The following KDM4C variants were observed in gnomAD, a reference collection of about 807,000 sequenced individuals.
KDM4C encodes the protein lysine demethylase 4C, also known as lysine-specific demethylase 4C.
Under a neutral mutation model 129.3 loss-of-function variants are expected in KDM4C, and 81 were observed. The observed-to-expected ratio is 0.63, with a 90% CI of 0.52 to 0.75. KDM4C has a LOEUF of 0.75. Ranked by LOEUF, KDM4C falls within the 30% of genes least tolerant of loss-of-function variation. The pLI is 0.00. For synonymous variants in KDM4C, 573 were observed against 456.1 expected (o/e 1.26, Z -3.26); for missense variants, 1,457 against 1,304.0 (o/e 1.12, Z -1.81).
chr9:6,835,884 A>G, intron 4 of KDM4C, among the ~76,000 whole-genome samples: 1 of 152,218 alleles, frequency 6.6e-6, no homozygotes, highest in East Asian at 1.9e-4. Flanking sequence ...TGCCCTCCTA[A>G]AAGCCACCCG....
intron 19 of KDM4C, among the ~76,000 whole-genome samples, chr9:7,129,903 A>G (rs1840432624): frequency 6.6e-6 from 1 of 152,222 alleles, no homozygotes; most frequent in African/African-American, 2.4e-5. Flanking sequence ...AACATGGTGA[A>G]TAATTGTCTC....
intron 1 of KDM4C, among the ~76,000 whole-genome samples, chr9:6,745,116 C>T (rs1417934246): frequency 6.6e-6 from 1 of 152,110 alleles, no homozygotes; most frequent in Non-Finnish European, 1.5e-5. Flanking sequence ...CTGGGTCAAA[C>T]ATCCCAAGGA....
chr9:6,829,873 A>G (rs992427964), intron 4 of KDM4C, among the ~76,000 whole-genome samples: 3 of 152,220 alleles, frequency 2.0e-5, no homozygotes, highest in African/African-American at 7.2e-5. Flanking sequence ...ACAAAAAGGA[A>G]TATAAAGATA....
At chr9:7,075,611 T>G (rs886995162) in intron 17 of KDM4C, among the ~76,000 whole-genome samples, 1 of 152,172 alleles carries the variant, frequency 6.6e-6, no homozygotes, top group Non-Finnish European at 1.5e-5. Context: ...TGAAGCAGCC[T>G]GAGGTCCTCA....
At chr9:6,835,027 C>G in intron 4 of KDM4C, 1 of 948,064 alleles carries the variant, frequency 1.1e-6, no homozygotes, top group Non-Finnish European at 1.7e-6. Flanking sequence ...CATGAAGATC[C>G]TTACCGAGCG....
chr9:7,049,174 A>C lies in KDM4C; in HGVS notation c.2398A>C (p.Arg800=). ...AGAAAGGACACAAATAGATGTAGGCAGAATACCTTTACAGAGGTTAAAATT... is the reference window on the plus strand; with the variant it reads ...AGAAAGGACACAAATAGATGTAGGCCGAATACCTTTACAGAGGTTAAAATT... ...VPERTQIDVG[R]IPLQRLKLKC... The change falls in exon 17 of 22, where the codon AGA becomes CGA. Residue 800 remains arginine, a synonymous_variant. Coordinates refer to ENST00000381309, the MANE Select transcript of KDM4C (RefSeq NM_015061.6). The C allele has an allele frequency of 6.2e-7, 1 of 1,608,300 alleles. No homozygotes were observed. Among genetic ancestry groups the C allele is most frequent in the Non-Finnish European group, 8.5e-7 (1 of 1,175,164 alleles).
chr9:7,059,223 C>T (rs956167071), intron 17 of KDM4C, among the ~76,000 whole-genome samples: 3 of 152,162 alleles, frequency 2.0e-5, no homozygotes, highest in East Asian at 1.9e-4. Context: ...CATCATGGCT[C>T]ATTGCAGCCT....
At chr9:6,877,352 C>G (rs905320741) in intron 5 of KDM4C, among the ~76,000 whole-genome samples, 2 of 152,190 alleles carry the variant, frequency 1.3e-5, no homozygotes, top group Non-Finnish European at 2.9e-5. Flanking sequence ...AGGCGCCCGC[C>G]ACCACACCCG....
intron 15 of KDM4C, among the ~76,000 whole-genome samples, chr9:7,046,343 A>G (rs893796133): frequency 6.6e-6 from 1 of 151,924 alleles, no homozygotes; most frequent in Non-Finnish European, 1.5e-5. Context: ...TGCCCACAGA[A>G]AGAGTGAGGC....
chr9:6,998,176 T>C (rs761051251), intron 12 of KDM4C, among the ~76,000 whole-genome samples: 1 of 152,226 alleles, frequency 6.6e-6, no homozygotes, highest in African/African-American at 2.4e-5. Flanking sequence ...ATCTCTGTAA[T>C]GTCTGCATGC....
intron 8 of KDM4C, among the ~76,000 whole-genome samples, chr9:6,918,166 C>T (rs914400649): frequency 6.6e-6 from 1 of 152,098 alleles, no homozygotes; most frequent in African/African-American, 2.4e-5. Context: ...TTAGCCTTTG[C>T]CGTACTCCCT....
intron 17 of KDM4C, among the ~76,000 whole-genome samples, chr9:7,093,554 G>C (rs1014373016): frequency 6.6e-6 from 1 of 152,014 alleles, no homozygotes; most frequent in Non-Finnish European, 1.5e-5. Context: ...TGGATGGTCC[G>C]CATTTTTCAT....
intron 1 of KDM4C, among the ~76,000 whole-genome samples, chr9:6,792,350 ATTTTTATTTAT>A (rs138796440): frequency 0.18 from 27,330 of 151,486 alleles, 2,579 homozygotes; most frequent in African/African-American, 0.21. Context: ...CAAAAAAAAA[ATTTTTATTTAT>A]TTTTTATTTA....
intron 12 of KDM4C, among the ~76,000 whole-genome samples, chr9:7,003,861 T>G (rs1344861236): frequency 6.6e-6 from 1 of 152,200 alleles, no homozygotes; most frequent in Non-Finnish European, 1.5e-5. Flanking sequence ...GTTCCCAAGT[T>G]TGAATCTTTG....
intron 18 of KDM4C, among the ~76,000 whole-genome samples, chr9:7,115,546 C>T (rs1438531029): frequency 6.6e-6 from 1 of 152,164 alleles, no homozygotes; most frequent in African/African-American, 2.4e-5. Flanking sequence ...TCAATTCCTT[C>T]ATGTAGAAAA....
intron 8 of KDM4C, among the ~76,000 whole-genome samples, chr9:6,913,876 CTGTTAA>C (rs992713104): frequency 1.4e-4 from 22 of 152,282 alleles, no homozygotes; most frequent in African/African-American, 5.3e-4. Flanking sequence ...ACACATATTA[CTGTTAA>C]TGTAGATGGA....
Position 6,916,519 on chromosome 9 carries a change from C to G in KDM4C, c.921+23287C>G, listed in dbSNP as rs1016290320. On this transcript the variant is annotated intron_variant, in intron 8 of 21. Coordinates refer to ENST00000381309, the MANE Select transcript of KDM4C (RefSeq NM_015061.6). ...AAGTGATCCTCCTGCATTGGCCTCC[C>G]AAAGTGCTGGGATTATAGGAGTGAG... Among the ~76,000 whole-genome samples the G allele has an allele frequency of 3.9e-5, 6 of 152,124 alleles. No individual in the cohort carries two copies. In the South Asian group the frequency reaches 1.2e-3, roughly 32 times the overall value.
chr9:6,753,755 T>C (rs1284997098), upstream of KDM4C, among the ~76,000 whole-genome samples: 1 of 151,960 alleles, frequency 6.6e-6, no homozygotes, highest in Non-Finnish European at 1.5e-5. Context: ...AATTCATTAA[T>C]AAGGGCAGAG....
rs548293419 is a variant in KDM4C at position 7,121,360 on chromosome 9, C to T, written c.2611-6706C>T. Among the ~76,000 whole-genome samples the T allele has an allele frequency of 1.4e-4, 21 of 152,252 alleles. No homozygotes were observed. The South Asian group carries it at 4.4e-3, about 32-fold the overall frequency. ...AGGGTAACTTGGGCTTGTTCACACC[C>T]CAGAGTCTGAGGTTCTTAGAGAGAA... On this transcript the variant is annotated intron_variant, in intron 18 of 21. Coordinates refer to ENST00000381309, the MANE Select transcript of KDM4C (RefSeq NM_015061.6).
Sources: gnomAD v4.1 joint callset for allele counts (sites outside exome capture counted in the v4.1 genomes callset) on GRCh38, gnomAD v4.1.1 for gene constraint, MANE v1.5 for transcripts, NCBI Gene and HGNC (gene_info 2026-07-23, HGNC 2026-07-21) for gene names.